The following SCAF8 variants were observed in gnomAD, a reference collection of about 807,000 sequenced individuals.
The protein encoded by SCAF8 is SR-related CTD associated factor 8.
In SCAF8, 23 loss-of-function variants were observed where a neutral mutation model predicts 140.5. The ratio of observed to expected loss-of-function variants is 0.16; its 90% CI spans 0.12 to 0.23. The LOEUF (loss-of-function observed/expected upper bound fraction) is 0.23, where lower values mean the gene tolerates loss of function less well. SCAF8 is among the 10% of genes least tolerant of loss of function. The pLI is 1.00. For synonymous variants in SCAF8, 575 were observed against 528.9 expected (o/e 1.09, Z -1.20); for missense variants, 1,397 against 1,555.7 (o/e 0.90, Z 1.72).
intron 6 of SCAF8, among the ~76,000 whole-genome samples, chr6:154,799,610 T>C (rs765180327): frequency 1.3e-5 from 2 of 151,380 alleles, no homozygotes; most frequent in Non-Finnish European, 3.0e-5. Context: ...TCCTGTAACT[T>C]GTTCCATCCT....
intron 12 of SCAF8, among the ~76,000 whole-genome samples, chr6:154,814,834 A>T (rs1204570430): frequency 6.6e-6 from 1 of 152,204 alleles, no homozygotes; most frequent in East Asian, 1.9e-4. Flanking sequence ...GGCTTTCAAC[A>T]GTTAAGTATC....
At chr6:154,803,441 A>G (rs1777826765) in intron 7 of SCAF8, 103 bp from the exon 8 acceptor site, 2 of 766,238 alleles carry the variant, frequency 2.6e-6, no homozygotes, top group South Asian at 1.5e-5. Flanking sequence ...TACACATTAA[A>G]TGATAGATAT....
intron 1 of SCAF8, among the ~76,000 whole-genome samples, chr6:154,762,703 C>T (rs1776440790): frequency 6.6e-6 from 1 of 152,024 alleles, no homozygotes; most frequent in Admixed American, 6.6e-5. Context: ...ATTTATAATA[C>T]AAATATTTTA....
chr6:154,733,997 C>T (rs1331123597), intron 1 of SCAF8, 67 bp downstream of exon 1: 7 of 1,450,504 alleles, frequency 4.8e-6, no homozygotes, highest in South Asian at 1.5e-5. Flanking sequence ...GAGGCCGGGG[C>T]CCGGAGGGTG....
rs747026996 is a variant in SCAF8, at chr6:154,820,350, C to T, written c.1792+17C>T. ...TAAATACTGGTAAGAATTCTAAGGT[C>T]TTTTTATTGTTAAAAAAAAGTATGC... On this transcript the variant is annotated intron_variant, in intron 15 of 19. Coordinates refer to ENST00000367178, the MANE Select transcript of SCAF8 (RefSeq NM_014892.5). 5 of 1,586,468 alleles carry T rather than the reference C, an allele frequency of 3.2e-6. No individual in the cohort carries two copies. The highest frequency in any genetic ancestry group is 1.9e-5 in the Admixed American group (1 of 52,952).
chr6:154,774,215 ATC>A, intron 2 of SCAF8, 143 bp downstream of exon 2: 1 of 625,060 alleles, frequency 1.6e-6, no homozygotes, highest in Admixed American at 3.0e-5. Context: ...AAAAAAGAAA[ATC>A]TGTCACCTGT....
At chr6:154,777,417 C>T (rs1776948082) in intron 2 of SCAF8, among the ~76,000 whole-genome samples, 1 of 152,112 alleles carries the variant, frequency 6.6e-6, no homozygotes, top group Non-Finnish European at 1.5e-5. Context: ...TTTTAATCTA[C>T]ATGTTCACTT....
In SCAF8 at chr6:154,758,462, T is replaced by C. The variant is rs150406018; in HGVS notation, c.31-15527T>C. Among the ~76,000 whole-genome samples, 1,036 of 152,260 alleles carry C rather than the reference T, an allele frequency of 6.8e-3. 16 individuals carry two copies. The highest frequency in any genetic ancestry group is 0.024 in the African/African-American group (992 of 41,544). On this transcript the variant is annotated intron_variant, in intron 1 of 19. Coordinates refer to ENST00000367178, the MANE Select transcript of SCAF8 (RefSeq NM_014892.5). ...GGGCAGTGGTTTACATGGATTGTAG[T>C]TCTTAGAGCCTTTGCTGTGCTTCTT...
intron 1 of SCAF8, among the ~76,000 whole-genome samples, chr6:154,752,995 A>AGTTTTGTTTTT (rs1484778523): frequency 6.6e-6 from 1 of 151,652 alleles, no homozygotes; most frequent in African/African-American, 2.4e-5. Context: ...AAAGGAGTAC[A>AGTTTTGTTTTT]GTTTTGTTTT....
At position 154,818,530 on chromosome 6, in the gene SCAF8, G is replaced by A; in HGVS notation, c.1573G>A (p.Ala525Thr). ...AYVCMVHRQD[A>T]FRALQKLSSG... ...TGTCTGCATGGTTCATCGACAAGATGCATTTCGAGCTCTTCAGAAACTCAG... is the reference window on the plus strand; with the variant it reads ...TGTCTGCATGGTTCATCGACAAGATACATTTCGAGCTCTTCAGAAACTCAG... Residue 525 changes from alanine (A) to threonine (T), a missense_variant, in exon 14 of 20, where the codon GCA becomes ACA. Ala to Thr is a moderately conservative substitution (Grantham distance 58). Transcript: ENST00000367178. 6.2e-7 allele frequency: 1 copy of A among 1,609,416 alleles called. No homozygotes were observed. Among genetic ancestry groups the A allele is most frequent in the Non-Finnish European group, 8.5e-7 (1 of 1,177,828 alleles).
Position 154,796,385 on chromosome 6 carries a change from C to CTGTCTGTCTG in SCAF8, c.606+1247_606+1248insGTCTGTCTGT, listed in dbSNP as rs1272399073. Among the ~76,000 whole-genome samples the CTGTCTGTCTG allele has an allele frequency of 1.6e-3, 120 of 76,354 alleles. 1 individual carries two copies. The highest frequency in any genetic ancestry group is 4.3e-3 in the East Asian group (5 of 1,172). 50.1% of individuals were successfully genotyped at this position (76,354 alleles called of 152,430 possible). On this transcript the variant is annotated intron_variant, in intron 6 of 19. Coordinates refer to ENST00000367178, the MANE Select transcript of SCAF8 (RefSeq NM_014892.5). ...TCTCTCTCTCTCTCTCTCTCTCTCTCTCTCTCTGTCTCTCTCTTTTTCTGA... is the reference window on the plus strand; with the variant it reads ...TCTCTCTCTCTCTCTCTCTCTCTCTCTGTCTGTCTGTCTCTCTGTCTCTCTCTTTTTCTGA...
At chr6:154,802,225 T>A (rs1175629867) in intron 7 of SCAF8, 78 bp downstream of exon 7, 48 of 874,272 alleles carry the variant, frequency 5.5e-5, no homozygotes, top group Non-Finnish European at 7.8e-5. Context: ...ATTCTATAAA[T>A]AAATTTTATT....
intron 19 of SCAF8, among the ~76,000 whole-genome samples, chr6:154,831,703 T>TTAAAAAAAAAAAAAA: frequency 2.1e-5 from 1 of 48,070 alleles, no homozygotes; most frequent in Admixed American, 3.4e-4. Flanking sequence ...CTCCTGTTCT[T>TTAAAAAAAAAAAAAA]AAAAAAAAAA....
chr6:154,734,355 A>G (rs905249657), intron 1 of SCAF8, among the ~76,000 whole-genome samples: 1 of 151,996 alleles, frequency 6.6e-6, no homozygotes, highest in Non-Finnish European at 1.5e-5. Context: ...TGAGGCTAAC[A>G]CCGATTGGGG....
rs780927450 is a variant in SCAF8 at position 154,733,803 on chromosome 6, C to T, written c.-98C>T. 64 of 1,433,634 alleles carry T rather than the reference C, an allele frequency of 4.5e-5. No individual in the cohort carries two copies. The Admixed American group carries it at 1.7e-3, about 39-fold the overall frequency. The allele number at this position is 1,433,634 out of a possible 1,614,324, so 88.8% of individuals were successfully genotyped here. ...GCCCGCTCTCCCGCCAGCGCCCCCT[C>T]CTCGCGGCCACGCAGCAGCCCGCGT... On this transcript the variant is annotated 5_prime_UTR_variant, in exon 1 of 20. Transcript: ENST00000367178.
At chr6:154,782,317 A>G (rs1160219074) in intron 3 of SCAF8, among the ~76,000 whole-genome samples, 1 of 152,114 alleles carries the variant, frequency 6.6e-6, no homozygotes, top group Non-Finnish European at 1.5e-5. Flanking sequence ...GGTGAGGTGG[A>G]GGGATTGCTT....
intron 3 of SCAF8, among the ~76,000 whole-genome samples, chr6:154,784,050 G>C (rs549150308): frequency 6.6e-6 from 1 of 150,610 alleles, no homozygotes; most frequent in African/African-American, 2.4e-5. Flanking sequence ...CTGGGTGACA[G>C]AGCGAGACTC....
chr6:154,764,642 C>T (rs1426246456), intron 1 of SCAF8, among the ~76,000 whole-genome samples: 1 of 152,004 alleles, frequency 6.6e-6, no homozygotes, highest in African/African-American at 2.4e-5. Context: ...AGCCAGATCC[C>T]AAGAAGTAGA....
chr6:154,774,413 C>T (rs1036593040), intron 2 of SCAF8, among the ~76,000 whole-genome samples: 1 of 152,144 alleles, frequency 6.6e-6, no homozygotes, highest in African/African-American at 2.4e-5. Context: ...GATAAATGTT[C>T]TTCCTTAAAC....
Sources: gnomAD v4.1 joint callset for allele counts (sites outside exome capture counted in the v4.1 genomes callset) on GRCh38, gnomAD v4.1.1 for gene constraint, MANE v1.5 for transcripts, NCBI Gene and HGNC (gene_info 2026-07-23, HGNC 2026-07-21) for gene names.